Variants in WDR72 observed in about 807,000 individuals in gnomAD.
The protein encoded by WDR72 is WD repeat-containing protein 72.
A neutral mutation model predicts 124.2 loss-of-function variants in WDR72; 120 were observed. The observed-to-expected ratio is 0.97, with a 90% CI of 0.83 to 1.12. The LOEUF is 1.12. Among genes scored for constraint, WDR72 ranks in the 50% most tolerant of loss-of-function variants. The pLI is 0.00. For missense variants in WDR72, 1,387 were observed against 1,278.8 expected, an observed-to-expected ratio of 1.08 and a Z score of -1.29; for synonymous variants, 452 against 441.7, an observed-to-expected ratio of 1.02 and a Z score of -0.29.
chr15:53,705,757 C>A (rs927928328), intron 10 of WDR72, among the ~76,000 whole-genome samples, 170 bp downstream of exon 10: 1 of 152,202 alleles, frequency 6.6e-6, no homozygotes, highest in Admixed American at 6.5e-5. Flanking sequence ...GCCACTGTGC[C>A]CCGCCTAAGC....
chr15:53,604,706 C>A (rs1018079000), intron 17 of WDR72, among the ~76,000 whole-genome samples: 3 of 151,948 alleles, frequency 2.0e-5, no homozygotes, highest in Non-Finnish European at 4.4e-5. Context: ...ATATATGTGG[C>A]CAAAAATCAT....
intron 1 of WDR72, among the ~76,000 whole-genome samples, chr15:53,748,320 T>A (rs552791750): frequency 1.3e-5 from 2 of 152,296 alleles, no homozygotes; most frequent in Admixed American, 1.3e-4. Flanking sequence ...CTAATATCTC[T>A]CTTTAAATTA....
chr15:53,749,769 G>C (rs549417492), intron 1 of WDR72, among the ~76,000 whole-genome samples: 1 of 152,114 alleles, frequency 6.6e-6, no homozygotes, highest in East Asian at 1.9e-4. Context: ...ATCAGAGACC[G>C]AAACAATTGC....
intron 18 of WDR72, among the ~76,000 whole-genome samples, chr15:53,547,079 C>A (rs1784760211): frequency 6.6e-6 from 1 of 152,164 alleles, no homozygotes; most frequent in Non-Finnish European, 1.5e-5. Context: ...GGCTCCAAAG[C>A]CAACAACCTA....
chr15:53,724,813 CTAGT>C (rs1369476601), intron 2 of WDR72, among the ~76,000 whole-genome samples: 3 of 152,072 alleles, frequency 2.0e-5, no homozygotes, highest in Admixed American at 6.6e-5. Context: ...TATAATTTTA[CTAGT>C]TAATTACAGC....
chr15:53,591,287 C>G (rs2012479831), intron 18 of WDR72, among the ~76,000 whole-genome samples: 1 of 152,066 alleles, frequency 6.6e-6, no homozygotes, highest in African/African-American at 2.4e-5. Flanking sequence ...TTAGTTTGTT[C>G]TTGGCGATAT....
intron 18 of WDR72, among the ~76,000 whole-genome samples, chr15:53,545,651 A>G (rs1893414225): frequency 6.8e-6 from 1 of 146,380 alleles, no homozygotes; most frequent in African/African-American, 2.6e-5. Context: ...ACAAAAGACA[A>G]AATTGACAAA....
chr15:53,720,793 T>C (rs1454580509), intron 3 of WDR72, among the ~76,000 whole-genome samples: 2 of 152,182 alleles, frequency 1.3e-5, no homozygotes, highest in Non-Finnish European at 2.9e-5. Flanking sequence ...TCTCCAGTGG[T>C]TTATTTTCAT....
intron 14 of WDR72, among the ~76,000 whole-genome samples, chr15:53,623,277 C>A (rs2014074786): frequency 6.6e-6 from 1 of 151,968 alleles, no homozygotes; most frequent in African/African-American, 2.4e-5. Flanking sequence ...CTTTCCTTTT[C>A]CATTTAGTAG....
intron 14 of WDR72, among the ~76,000 whole-genome samples, chr15:53,617,077 T>C (rs1566987028): frequency 6.6e-6 from 1 of 151,922 alleles, no homozygotes; most frequent in Non-Finnish European, 1.5e-5. Context: ...GAATTAATAA[T>C]TAGCAAATTT....
chr15:53,594,225 TA>T (rs1245610234), intron 18 of WDR72, among the ~76,000 whole-genome samples: 6 of 151,802 alleles, frequency 4.0e-5, no homozygotes, highest in Non-Finnish European at 7.4e-5. Context: ...GAAGTTTGAG[TA>T]TCTGTGTATA....
chr15:53,679,191 T>C (rs977955032), intron 13 of WDR72, among the ~76,000 whole-genome samples: 3 of 152,192 alleles, frequency 2.0e-5, no homozygotes, highest in African/African-American at 7.2e-5. Context: ...TCAGTGGGTA[T>C]GGAGTTTCAT....
Position 53,740,330 on chromosome 15 carries a change from C to T in WDR72, c.-12-7169G>A, listed in dbSNP as rs2018474669. On this transcript the variant is annotated intron_variant, in intron 1 of 19. Coordinates refer to ENST00000360509, the MANE Select transcript of WDR72 (RefSeq NM_182758.4). ...TAATTTTTTTTTTTTTTTTTTGAGA[C>T]GGAGTCTCTCTCTGTCGCCCAGGCT... Among the ~76,000 whole-genome samples, 4 of 141,062 alleles carry T rather than the reference C, an allele frequency of 2.8e-5. No homozygotes were observed. The Admixed American group carries it at 2.9e-4, about 10-fold the overall frequency. The allele number at this position is 141,062 out of a possible 152,430, so 92.5% of individuals were successfully genotyped here.
At position 53,712,998 on chromosome 15, in the gene WDR72, C is replaced by T. The variant is rs151310120; in HGVS notation, c.592-107G>A. 6,869 of 1,257,028 alleles carry T rather than the reference C, an allele frequency of 5.5e-3. 29 individuals are homozygous for T. The highest frequency in any genetic ancestry group is 6.6e-3 in the Non-Finnish European group (5,886 of 885,936). The allele number at this position is 1,257,028 out of a possible 1,614,324, so 77.9% of individuals were successfully genotyped here. ...TCAAGTAGATCACACCATTATAAAA[C>T]GAAAAGTATCTGAGTTACCTTTTGA... On this transcript the variant is annotated intron_variant, in intron 6 of 19. Coordinates refer to ENST00000360509, the MANE Select transcript of WDR72 (RefSeq NM_182758.4).
In WDR72 at chr15:53,704,978, A is replaced by G; in HGVS notation, c.1348+10T>C. 2 of 1,613,564 alleles carry G rather than the reference A, an allele frequency of 1.2e-6. No individual in the cohort carries two copies. Among genetic ancestry groups the G allele is most frequent in the Non-Finnish European group, 8.5e-7 (1 of 1,179,930 alleles). ...AATCAAATAAATAGGGTCAAATAAAATTCAAGGACCTTTTACTAAAGAACC... is the reference window on the plus strand; with the variant it reads ...AATCAAATAAATAGGGTCAAATAAAGTTCAAGGACCTTTTACTAAAGAACC... On this transcript the variant is annotated intron_variant, in intron 11 of 19. Coordinates refer to ENST00000360509, the MANE Select transcript of WDR72 (RefSeq NM_182758.4).
intron 13 of WDR72, among the ~76,000 whole-genome samples, chr15:53,684,895 G>C (rs4564510): frequency 0.03 from 4,580 of 152,304 alleles, 249 homozygotes; most frequent in African/African-American, 0.1. Context: ...TCAAGTGGGT[G>C]CCTGACCCCT....
Position 53,726,192 on chromosome 15 carries a change from A to ATATG in WDR72, c.154-3285_154-3284insCATA, listed in dbSNP as rs1420130929. Among the ~76,000 whole-genome samples, 13 of 126,562 alleles carry ATATG rather than the reference A, an allele frequency of 1.0e-4. No homozygotes were observed. The East Asian group carries it at 1.5e-3, about 15-fold the overall frequency. The allele number at this position is 126,562 out of a possible 152,430, so 83.0% of individuals were successfully genotyped here. On this transcript the variant is annotated intron_variant, in intron 2 of 19. Coordinates refer to ENST00000360509, the MANE Select transcript of WDR72 (RefSeq NM_182758.4). The stretch of plus-strand genomic sequence containing the variant: ...AATTGGTTGTAATATATATATATAT[A>ATATG]TGTGTGTGTGTATATATATATGTAT...
chr15:53,667,433 A>G lies in WDR72; in HGVS notation c.1766-1665T>C, dbSNP rs1161664596. Among the ~76,000 whole-genome samples the G allele has an allele frequency of 4.8e-4, 4 of 8,316 alleles. No individual in the cohort carries two copies. In the Non-Finnish European group the frequency reaches 9.0e-3, roughly 19 times the overall value. The allele number at this position is 8,316 out of a possible 152,430, so 5.5% of individuals were successfully genotyped here. A position where few individuals can be genotyped will look rare whatever the true frequency, so the allele number is the denominator to read the frequency against. Reference sequence around the variant, plus strand: ...GGGACTTTAATTTTTATAAATTAGGAAAAAAAATATTGATATATCTTCTGA... The same window carrying G: ...GGGACTTTAATTTTTATAAATTAGGGAAAAAAATATTGATATATCTTCTGA... On this transcript the variant is annotated intron_variant, in intron 13 of 19. Coordinates refer to ENST00000360509, the MANE Select transcript of WDR72 (RefSeq NM_182758.4).
Position 53,665,781 on chromosome 15 carries a change from A to G in WDR72, c.1766-13T>C, listed in dbSNP as rs745456628. 2 of 1,612,724 alleles carry G rather than the reference A, an allele frequency of 1.2e-6. No homozygotes were observed. Among genetic ancestry groups the G allele is most frequent in the African/African-American group, 1.3e-5 (1 of 74,882 alleles). ...CTTTCCAAAGTGCCTGGAAAACAAGATTAGAGGTAAAAATGTCAGGAAAAT... is the reference window on the plus strand; with the variant it reads ...CTTTCCAAAGTGCCTGGAAAACAAGGTTAGAGGTAAAAATGTCAGGAAAAT... On this transcript the variant is annotated splice_polypyrimidine_tract_variant and intron_variant, in intron 13 of 19. Coordinates refer to ENST00000360509, the MANE Select transcript of WDR72 (RefSeq NM_182758.4).
Sources: allele counts gnomAD v4.1 joint callset (sites outside exome capture counted in the v4.1 genomes callset), GRCh38; gene constraint gnomAD v4.1.1; transcripts MANE v1.5; gene names NCBI Gene and HGNC (gene_info 2026-07-23, HGNC 2026-07-21).